ANKIB1: variants seen among roughly 807,000 people sequenced by gnomAD.
The protein encoded by ANKIB1 is ankyrin repeat and IBR domain containing 1, also known as ankyrin repeat and IBR domain-containing protein 1.
In ANKIB1, 43 loss-of-function variants were observed where a neutral mutation model predicts 122.1. The ratio of observed to expected loss-of-function variants is 0.35; its 90% CI spans 0.28 to 0.45. ANKIB1 has a LOEUF of 0.45. ANKIB1 is among the 20% of genes least tolerant of loss of function. ANKIB1 has a pLI of 1.00. For missense variants in ANKIB1, 992 were observed against 1,329.5 expected (o/e 0.75, Z 3.95); for synonymous variants, 390 against 442.0 (o/e 0.88, Z 1.48).
At chr7:92,359,762 T>A (rs1803901413) in intron 9 of ANKIB1, among the ~76,000 whole-genome samples, 9 of 152,168 alleles carry the variant, frequency 5.9e-5, no homozygotes, top group Admixed American at 5.9e-4. Context: ...TCCACTTTTT[T>A]AAAGAGATTA....
chr7:92,317,839 G>A lies in ANKIB1; in HGVS notation c.487-1491G>A, dbSNP rs77948261. On this transcript the variant is annotated intron_variant, in intron 3 of 19. Transcript: ENST00000265742. ...ATTATTTGGAAGAAAATAAAAAGAA[G>A]CTACCATTTTGATCAACTCATGCGA... 2.4e-3 allele frequency among the ~76,000 whole-genome samples: 370 copies of A among 152,236 alleles called. 2 individuals carry two copies. The highest frequency in any genetic ancestry group is 0.016 in the South Asian group (77 of 4,822).
chr7:92,286,848 A>G (rs1188301089), intron 1 of ANKIB1, among the ~76,000 whole-genome samples: 1 of 152,136 alleles, frequency 6.6e-6, no homozygotes, highest in African/African-American at 2.4e-5. Context: ...CTATGTGTAC[A>G]TCTTCAAGGG....
In ANKIB1 at chr7:92,390,252, T is replaced by G. The variant is rs537321535; in HGVS notation, c.2052+136T>G. ...TTTCTTTTCATTTTTTAAATGGTTT[T>G]TAAATAAAGGAAAAGTTACCAGTAA... On this transcript the variant is annotated intron_variant, in intron 15 of 19. Coordinates refer to ENST00000265742, the MANE Select transcript of ANKIB1 (RefSeq NM_019004.2). 3 of 751,346 alleles carry G rather than the reference T, an allele frequency of 4.0e-6. No individual in the cohort carries two copies. In the African/African-American group the frequency reaches 5.6e-5, roughly 14 times the overall value. 46.5% of individuals were successfully genotyped at this position (751,346 alleles called of 1,614,324 possible).
chr7:92,351,808 C>G (rs1412437825), intron 8 of ANKIB1, among the ~76,000 whole-genome samples: 1 of 149,110 alleles, frequency 6.7e-6, no homozygotes. Context: ...GCAACCTCTG[C>G]GTCCAAGGTT....
intron 1 of ANKIB1, among the ~76,000 whole-genome samples, chr7:92,251,870 T>C (rs1396396584): frequency 1.3e-5 from 2 of 152,224 alleles, no homozygotes; most frequent in African/African-American, 4.8e-5. Flanking sequence ...AATATCTCTT[T>C]ATCTTCTGGC....
rs530160529 is a variant in ANKIB1, at chr7:92,370,501, C to G, written c.1487-976C>G. ...CCAGCCTGGGTGACAGAGCAAGACT[C>G]TTGTCTCAAAAAAAAAAAAAAAAAA... is the stretch of plus-strand genomic sequence containing the variant. On this transcript the variant is annotated intron_variant, in intron 10 of 19. Coordinates refer to ENST00000265742, the MANE Select transcript of ANKIB1 (RefSeq NM_019004.2). Among the ~76,000 whole-genome samples, 6 of 86,052 alleles carry G rather than the reference C, an allele frequency of 7.0e-5. No homozygotes were observed. In the South Asian group the frequency reaches 2.7e-3, roughly 38 times the overall value. 56.5% of individuals were successfully genotyped at this position (86,052 alleles called of 152,430 possible). A position where few individuals can be genotyped will look rare whatever the true frequency, so the allele number is the denominator to read the frequency against.
chr7:92,337,014 C>T (rs1803305219), intron 5 of ANKIB1, among the ~76,000 whole-genome samples: 1 of 152,178 alleles, frequency 6.6e-6, no homozygotes, highest in Admixed American at 6.5e-5. Context: ...GCTATCCTAT[C>T]ATTTGTAAAT....
intron 1 of ANKIB1, among the ~76,000 whole-genome samples, chr7:92,252,289 C>A (rs1801343973): frequency 6.6e-6 from 1 of 152,082 alleles, no homozygotes; most frequent in Admixed American, 6.6e-5. Context: ...ATTGATGACT[C>A]CCACCTGAAT....
At chr7:92,276,675 C>T (rs772527061) in intron 1 of ANKIB1, among the ~76,000 whole-genome samples, 11 of 152,216 alleles carry the variant, frequency 7.2e-5, no homozygotes, top group South Asian at 2.1e-4. Context: ...AGGTGGCTTC[C>T]GCCTTCAGTT....
intron 1 of ANKIB1, among the ~76,000 whole-genome samples, chr7:92,288,211 T>C (rs1802176170): frequency 6.6e-6 from 1 of 152,156 alleles, no homozygotes; most frequent in Non-Finnish European, 1.5e-5. Context: ...ATTCTAGATA[T>C]GAACACTTGG....
At chr7:92,392,175 G>A in intron 16 of ANKIB1, 66 bp from the exon 17 acceptor site, 1 of 1,358,030 alleles carries the variant, frequency 7.4e-7, no homozygotes, top group Non-Finnish European at 1.0e-6. Flanking sequence ...CAAAGGGCAA[G>A]GATCTGATTG....
intron 1 of ANKIB1, among the ~76,000 whole-genome samples, chr7:92,260,761 T>C (rs1435621215): frequency 6.6e-6 from 1 of 152,186 alleles, no homozygotes; most frequent in East Asian, 1.9e-4. Context: ...AAACTCTCCT[T>C]GCTGGCTTTA....
chr7:92,341,653 G>T (rs1364760704), intron 5 of ANKIB1, among the ~76,000 whole-genome samples: 1 of 152,176 alleles, frequency 6.6e-6, no homozygotes, highest in East Asian at 1.9e-4. Flanking sequence ...GTGGGAAAAG[G>T]AGATAAAGTT....
intron 1 of ANKIB1, among the ~76,000 whole-genome samples, chr7:92,246,852 A>G (rs529878389): frequency 1.1e-4 from 16 of 152,320 alleles, no homozygotes; most frequent in African/African-American, 3.6e-4. Flanking sequence ...TGAGACGTGG[A>G]AAGCCACGGG....
intron 1 of ANKIB1, among the ~76,000 whole-genome samples, chr7:92,293,146 G>C (rs968468254): frequency 6.6e-6 from 1 of 152,054 alleles, no homozygotes; most frequent in Non-Finnish European, 1.5e-5. Context: ...TTTATACAGT[G>C]GTGTCTGCAC....
chr7:92,288,051 A>AAC (rs1802172501), intron 1 of ANKIB1, among the ~76,000 whole-genome samples: 1 of 146,862 alleles, frequency 6.8e-6, no homozygotes, highest in Admixed American at 6.8e-5. Context: ...AAAAAAAAAA[A>AAC]AAAAAACTGC....
intron 11 of ANKIB1, among the ~76,000 whole-genome samples, chr7:92,373,923 AGT>A (rs1336939368): frequency 6.6e-6 from 1 of 152,216 alleles, no homozygotes; most frequent in African/African-American, 2.4e-5. Context: ...AATCATGTAT[AGT>A]ATCTGATTCT....
At chr7:92,282,607 G>A (rs370051143) in intron 1 of ANKIB1, among the ~76,000 whole-genome samples, 15 of 152,298 alleles carry the variant, frequency 9.8e-5, no homozygotes, top group South Asian at 2.1e-4. Context: ...TAGAGATGCC[G>A]AAGTTACTAA....
chr7:92,310,805 A>G (rs959841681), intron 3 of ANKIB1, among the ~76,000 whole-genome samples: 4 of 152,240 alleles, frequency 2.6e-5, no homozygotes, highest in Non-Finnish European at 5.9e-5. Context: ...TACAGACACA[A>G]CCATCCATAT....
Sources: allele counts gnomAD v4.1 joint callset (sites outside exome capture counted in the v4.1 genomes callset), GRCh38; gene constraint gnomAD v4.1.1; transcripts MANE v1.5; gene names NCBI Gene and HGNC (gene_info 2026-07-23, HGNC 2026-07-21).